Variants in LGR5 observed in about 807,000 individuals in gnomAD.
LGR5 encodes leucine rich repeat containing G protein-coupled receptor 5.
A neutral mutation model predicts 76.7 loss-of-function variants in LGR5; 54 were observed. That is an observed-to-expected ratio of 0.70 (90% CI 0.57 to 0.88). The LOEUF (loss-of-function observed/expected upper bound fraction) is 0.88, where lower values mean the gene tolerates loss of function less well. Ranked by LOEUF, LGR5 falls within the 40% of genes least tolerant of loss-of-function variation. The pLI, the probability that LGR5 is intolerant of heterozygous loss-of-function variation, is 0.00. For synonymous variants in LGR5, 406 were observed against 421.9 expected, an observed-to-expected ratio of 0.96 and a Z score of 0.46; for missense variants, 1,078 against 1,073.3, an observed-to-expected ratio of 1.00 and a Z score of -0.06.
chr12:71,516,344 A>G (rs1032254513), intron 2 of LGR5, among the ~76,000 whole-genome samples: 2 of 152,218 alleles, frequency 1.3e-5, no homozygotes, highest in Non-Finnish European at 2.9e-5. Flanking sequence ...GAACTCAAGA[A>G]GAAATTTGTG....
chr12:71,549,529 A>T (rs1419954872), intron 4 of LGR5, among the ~76,000 whole-genome samples: 1 of 152,218 alleles, frequency 6.6e-6, no homozygotes, highest in Non-Finnish European at 1.5e-5. Context: ...CAATGTATAC[A>T]TATATCAAAA....
chr12:71,543,653 C>T (rs1297184), intron 4 of LGR5, among the ~76,000 whole-genome samples: 138,492 of 152,264 alleles, frequency 0.91, 63,493 homozygotes, highest in East Asian at 0.97. Flanking sequence ...TTATTTAAGG[C>T]GTAACTTCAG....
intron 13 of LGR5, among the ~76,000 whole-genome samples, chr12:71,575,652 A>C (rs916567825): frequency 6.6e-6 from 1 of 152,130 alleles, no homozygotes; most frequent in Non-Finnish European, 1.5e-5. Flanking sequence ...CAGGGTTTGC[A>C]GTGAGCTGAG....
chr12:71,547,963 A>G (rs1034931597), intron 4 of LGR5, among the ~76,000 whole-genome samples: 26 of 149,874 alleles, frequency 1.7e-4, no homozygotes, highest in Non-Finnish European at 3.1e-4. Flanking sequence ...TATATACTAT[A>G]AACTATATGT....
intron 11 of LGR5, among the ~76,000 whole-genome samples, chr12:71,567,805 G>T (rs1878422516): frequency 6.6e-6 from 1 of 152,148 alleles, no homozygotes; most frequent in Non-Finnish European, 1.5e-5. Flanking sequence ...TGGAGTCAGT[G>T]ATTCACATCT....
rs1417389613 is a variant in LGR5 at position 71,586,139 on chromosome 12, A to AT, written c.*1405_*1406insT. The AT allele has an allele frequency of 6.6e-6, 1 of 152,160 alleles. No individual in the cohort carries two copies. Among genetic ancestry groups the AT allele is most frequent in the Non-Finnish European group, 1.5e-5 (1 of 68,026 alleles). 9.4% of individuals were successfully genotyped at this position (152,160 alleles called of 1,614,324 possible). A position where few individuals can be genotyped will look rare whatever the true frequency, so the allele number is the denominator to read the frequency against. ...ATTAAGGACCATGATAATGATAATAAACCTTGTACAGTGGCATATTCTTTG... is the reference window on the plus strand; with the variant it reads ...ATTAAGGACCATGATAATGATAATAATACCTTGTACAGTGGCATATTCTTTG... On this transcript the variant is annotated 3_prime_UTR_variant, in exon 18 of 18. Transcript: ENST00000266674.
intron 4 of LGR5, among the ~76,000 whole-genome samples, chr12:71,545,668 T>C (rs1218249342): frequency 2.0e-5 from 3 of 152,032 alleles, no homozygotes; most frequent in Non-Finnish European, 4.4e-5. Context: ...TTAACCAAGA[T>C]CAATGGCTTA....
At chr12:71,477,939 C>G (rs1484421984) in intron 1 of LGR5, among the ~76,000 whole-genome samples, 2 of 152,164 alleles carry the variant, frequency 1.3e-5, no homozygotes, top group Non-Finnish European at 2.9e-5. Context: ...GCGTAATCAT[C>G]AATATGCGCT....
chr12:71,513,083 T>C (rs1329996236), intron 2 of LGR5, among the ~76,000 whole-genome samples: 8 of 152,166 alleles, frequency 5.3e-5, no homozygotes, highest in Admixed American at 2.6e-4. Context: ...TGGGTCAGGA[T>C]TGGGGCCTTG....
intron 4 of LGR5, among the ~76,000 whole-genome samples, chr12:71,542,327 G>A (rs1234175963): frequency 6.6e-6 from 1 of 152,186 alleles, no homozygotes; most frequent in Non-Finnish European, 1.5e-5. Flanking sequence ...GAAACAGAAG[G>A]TCAGTGCAGC....
intron 1 of LGR5, among the ~76,000 whole-genome samples, chr12:71,467,699 T>C (rs894363709): frequency 3.9e-5 from 6 of 152,228 alleles, no homozygotes; most frequent in Non-Finnish European, 5.9e-5. Flanking sequence ...CAATGCCGAT[T>C]TGGCAGGTTG....
rs772133053 is a variant in LGR5, at chr12:71,583,835, T to C, written c.1825T>C (p.Ser609Pro). ...IAAVNMLTGV[S>P]SAVLAGVDAF... is the part of the protein sequence containing the mutation. ...AGCAGTGAACATGCTCACGGGAGTC[T>C]CCAGTGCCGTGCTGGCTGGTGTGGA... Residue 609 changes from serine to proline, a missense_variant, in exon 18 of 18, where the codon TCC (serine) becomes CCC (proline). Physicochemically the swap from Ser to Pro is moderately conservative, Grantham distance 74. Transcript: ENST00000266674. 1.9e-6 allele frequency: 3 copies of C among 1,614,050 alleles called. No individual in the cohort carries two copies. The highest frequency in any genetic ancestry group is 2.5e-6 in the Non-Finnish European group (3 of 1,180,048).
chr12:71,512,393 G>A (rs560235229), intron 2 of LGR5, among the ~76,000 whole-genome samples: 6 of 152,184 alleles, frequency 3.9e-5, no homozygotes, highest in Non-Finnish European at 8.8e-5. Context: ...AGGTCTTCAG[G>A]TGATCTTATA....
At chr12:71,508,487 G>A (rs2137311229) in intron 2 of LGR5, among the ~76,000 whole-genome samples, 1 of 152,120 alleles carries the variant, frequency 6.6e-6, no homozygotes, top group East Asian at 1.9e-4. Context: ...CGGGCACAGG[G>A]GCTCACACCT....
intron 4 of LGR5, among the ~76,000 whole-genome samples, chr12:71,543,175 T>C (rs2137385593): frequency 6.6e-6 from 1 of 152,284 alleles, no homozygotes; most frequent in South Asian, 2.1e-4. Flanking sequence ...AGACAGCCAC[T>C]CAAGATCAGT....
intron 4 of LGR5, among the ~76,000 whole-genome samples, chr12:71,543,564 A>C (rs891626208): frequency 2.0e-5 from 3 of 152,186 alleles, no homozygotes; most frequent in Admixed American, 6.5e-5. Context: ...GTAAGTAGAG[A>C]GCTTTGAATA....
chr12:71,469,468 G>T (rs1873002290), intron 1 of LGR5, among the ~76,000 whole-genome samples: 1 of 152,236 alleles, frequency 6.6e-6, no homozygotes, highest in South Asian at 2.1e-4. Flanking sequence ...CCGCGTGGGC[G>T]CTGGGAGTGG....
chr12:71,451,644 C>A (rs1361327893), intron 1 of LGR5, among the ~76,000 whole-genome samples: 1 of 152,162 alleles, frequency 6.6e-6, no homozygotes, highest in Non-Finnish European at 1.5e-5. Context: ...TAGTGCTCAC[C>A]ACACTTGATC....
intron 1 of LGR5, among the ~76,000 whole-genome samples, chr12:71,442,126 G>A (rs1871795150): frequency 6.6e-6 from 1 of 152,298 alleles, no homozygotes; most frequent in South Asian, 2.1e-4. Context: ...TATAAAATAT[G>A]TTTAAGGATA....
Sources: gnomAD v4.1 joint callset for allele counts (sites outside exome capture counted in the v4.1 genomes callset) on GRCh38, gnomAD v4.1.1 for gene constraint, MANE v1.5 for transcripts, NCBI Gene and HGNC (gene_info 2026-07-23, HGNC 2026-07-21) for gene names.